Variants in BFAR observed in about 807,000 individuals in gnomAD.
BFAR encodes bifunctional apoptosis regulator, also known as RING finger protein 47.
In BFAR, 52 loss-of-function variants were observed where a neutral mutation model predicts 54.4. The observed-to-expected ratio is 0.96, with a 90% confidence interval of 0.77 to 1.21. BFAR has a LOEUF of 1.21. Ranked by LOEUF, BFAR falls within the 50% of genes most tolerant of loss-of-function variation. The pLI is 0.00. For synonymous variants in BFAR, 215 were observed against 204.3 expected (o/e 1.05, Z -0.45); for missense variants, 571 against 534.0 (o/e 1.07, Z -0.68).
intron 2 of BFAR, among the ~76,000 whole-genome samples, chr16:14,645,987 G>T (rs1376987387): frequency 6.6e-6 from 1 of 152,154 alleles, no homozygotes; most frequent in Non-Finnish European, 1.5e-5. Flanking sequence ...TCCTGCCTCA[G>T]CCTCTGGAGT....
intron 5 of BFAR, among the ~76,000 whole-genome samples, chr16:14,658,072 A>T (rs543951615): frequency 6.6e-6 from 1 of 152,260 alleles, no homozygotes; most frequent in South Asian, 2.1e-4. Flanking sequence ...AATTTAGGAC[A>T]CAGACACACA....
chr16:14,652,872 C>G (rs1204720313), intron 4 of BFAR, among the ~76,000 whole-genome samples: 2 of 152,146 alleles, frequency 1.3e-5, no homozygotes, highest in African/African-American at 4.8e-5. Flanking sequence ...CTCCCTGATT[C>G]ATTTGTTTCA....
chr16:14,635,468 C>T (rs770861234), intron 1 of BFAR, among the ~76,000 whole-genome samples: 5 of 152,156 alleles, frequency 3.3e-5, no homozygotes, highest in Non-Finnish European at 5.9e-5. Flanking sequence ...AGCTGAGTTA[C>T]TGAACATCTA....
chr16:14,666,359 T>TC (rs1201558059), intron 7 of BFAR, among the ~76,000 whole-genome samples: 1 of 152,136 alleles, frequency 6.6e-6, no homozygotes, highest in Non-Finnish European at 1.5e-5. Context: ...TCACCTGAGG[T>TC]CAGGAGTTCG....
At chr16:14,642,131 C>A (rs1184275258) in intron 1 of BFAR, among the ~76,000 whole-genome samples, 1 of 152,164 alleles carries the variant, frequency 6.6e-6, no homozygotes, top group African/African-American at 2.4e-5. Context: ...AAGCGTGAGC[C>A]CTTCCCTGCA....
At position 14,644,153 on chromosome 16, in the gene BFAR, A is replaced by G. The variant is rs963464037; in HGVS notation, c.-73-121A>G. 8 of 620,532 alleles carry G rather than the reference A, an allele frequency of 1.3e-5. No individual in the cohort carries two copies. In the Middle Eastern group the frequency reaches 1.8e-3, roughly 137 times the overall value. 38.4% of individuals were successfully genotyped at this position (620,532 alleles called of 1,614,324 possible). A position where few individuals can be genotyped will look rare whatever the true frequency, so the allele number is the denominator to read the frequency against. On this transcript the variant is annotated intron_variant, in intron 1 of 7. Coordinates refer to ENST00000261658, the MANE Select transcript of BFAR (RefSeq NM_016561.3). ...ACTCCATCCTGGGCCAGAGAGCAAG[A>G]CTGTGTCTCAAAAAAAAAAAAAAAA...
Position 14,645,315 on chromosome 16 carries a change from A to AAAAG in BFAR, c.263+727_263+730dup, listed in dbSNP as rs564948559. On this transcript the variant is annotated intron_variant, in intron 2 of 7. Coordinates refer to ENST00000261658, the MANE Select transcript of BFAR (RefSeq NM_016561.3). ...ACAGAGCAAGACCCTGTCTCAAAAA[A>AAAAG]AAAGAAAGAAAGAAAGAAAGAAAGC... is the stretch of plus-strand genomic sequence containing the variant. 5.0e-3 allele frequency among the ~76,000 whole-genome samples: 760 copies of AAAAG among 152,178 alleles called. 2 individuals are homozygous for AAAAG. Among genetic ancestry groups the AAAAG allele is most frequent in the Non-Finnish European group, 7.6e-3 (517 of 67,996 alleles).
chr16:14,642,638 T>C (rs1296855001), intron 1 of BFAR, among the ~76,000 whole-genome samples: 1 of 152,138 alleles, frequency 6.6e-6, no homozygotes, highest in African/African-American at 2.4e-5. Flanking sequence ...AAGGGTATAT[T>C]GAGCCATGGC....
chr16:14,644,187 C>A, intron 1 of BFAR, 87 bp from the exon 2 acceptor site: 1 of 753,330 alleles, frequency 1.3e-6, no homozygotes. Context: ...AAAATTAGCG[C>A]TTCAATAGAA....
chr16:14,648,603 C>A lies in BFAR; in HGVS notation c.468+11C>A. The A allele has an allele frequency of 6.2e-7, 1 of 1,605,508 alleles. No homozygotes were observed. The highest frequency in any genetic ancestry group is 8.5e-7 in the Non-Finnish European group (1 of 1,172,630). On this transcript the variant is annotated intron_variant, in intron 3 of 7. Coordinates refer to ENST00000261658, the MANE Select transcript of BFAR (RefSeq NM_016561.3). ...TTAACTGGAGTGGCAGTAAGTTGATCACTGTGTTCCTCTGTGCCCCCCCAC... is the reference window on the plus strand; with the variant it reads ...TTAACTGGAGTGGCAGTAAGTTGATAACTGTGTTCCTCTGTGCCCCCCCAC...
intron 7 of BFAR, among the ~76,000 whole-genome samples, chr16:14,666,172 C>A (rs1960435721): frequency 1.3e-5 from 2 of 152,176 alleles, no homozygotes; most frequent in South Asian, 4.1e-4. Context: ...TGCCTTTGTT[C>A]TGATGGACCC....
rs1408535699 is a variant in BFAR at position 14,668,995 on chromosome 16, T to C, written c.*1168T>C. 4 of 447,194 alleles carry C rather than the reference T, an allele frequency of 8.9e-6. No individual in the cohort carries two copies. The highest frequency in any genetic ancestry group is 1.8e-5 in the Non-Finnish European group (4 of 222,736). The allele number at this position is 447,194 out of a possible 1,614,324, so 27.7% of individuals were successfully genotyped here. ...ACACCAAGCGCTATAGTTATAAATATGGCATGAAGTGAACTATGGCCTTTT... is the reference window on the plus strand; with the variant it reads ...ACACCAAGCGCTATAGTTATAAATACGGCATGAAGTGAACTATGGCCTTTT... On this transcript the variant is annotated 3_prime_UTR_variant, in exon 8 of 8. Transcript: ENST00000261658.
chr16:14,666,854 C>A (rs1173118680), intron 7 of BFAR, among the ~76,000 whole-genome samples: 1 of 152,132 alleles, frequency 6.6e-6, no homozygotes, highest in East Asian at 1.9e-4. Context: ...CATGGCAGAT[C>A]TTTTGGTAAA....
Position 14,663,295 on chromosome 16 carries a change from T to G in BFAR, c.957+1230T>G, listed in dbSNP as rs545345268. ...CTGCACCTGGCACCCAGCCCTTCAA[T>G]TTTAACGAGCTCCAACAGCCTCTGC... On this transcript the variant is annotated intron_variant, in intron 6 of 7. Coordinates refer to ENST00000261658, the MANE Select transcript of BFAR (RefSeq NM_016561.3). 1.2e-4 allele frequency among the ~76,000 whole-genome samples: 18 copies of G among 151,982 alleles called. No individual in the cohort carries two copies. The South Asian group carries it at 3.8e-3, about 32-fold the overall frequency.
At position 14,648,676 on chromosome 16, in the gene BFAR, A is replaced by G. The variant is rs1018622222; in HGVS notation, c.468+84A>G. On this transcript the variant is annotated intron_variant, in intron 3 of 7. Transcript: ENST00000261658. ...TTCCACTGAAGTCAGTTCTGTTGAA[A>G]TCACTGAAATAATTGATGATGTGAC... 5.2e-6 allele frequency: 5 copies of G among 965,028 alleles called. No homozygotes were observed. The African/African-American group carries it at 8.6e-5, about 17-fold the overall frequency. 59.8% of individuals were successfully genotyped at this position (965,028 alleles called of 1,614,324 possible). A position where few individuals can be genotyped will look rare whatever the true frequency, so the allele number is the denominator to read the frequency against.
At chr16:14,635,682 C>G (rs979025562) in intron 1 of BFAR, among the ~76,000 whole-genome samples, 1 of 151,552 alleles carries the variant, frequency 6.6e-6, no homozygotes, top group African/African-American at 2.4e-5. Context: ...GGTTTCTGAC[C>G]CTGTCCAGAA....
chr16:14,640,464 TG>T (rs1388885344), intron 1 of BFAR, among the ~76,000 whole-genome samples: 12 of 152,186 alleles, frequency 7.9e-5, no homozygotes, highest in Admixed American at 2.0e-4. Flanking sequence ...TTTTTGTTTT[TG>T]TTTTTTTTCA....
At chr16:14,636,917 C>A (rs12444327) in intron 1 of BFAR, among the ~76,000 whole-genome samples, 3 of 152,152 alleles carry the variant, frequency 2.0e-5, no homozygotes, top group South Asian at 2.1e-4. Flanking sequence ...TTGTACCGCC[C>A]GTAATCCATT....
intron 7 of BFAR, 25 bp downstream of exon 7, chr16:14,665,096 C>T: frequency 1.3e-6 from 2 of 1,571,988 alleles, no homozygotes; most frequent in Non-Finnish European, 1.7e-6. Context: ...ATGGTTGTCA[C>T]AACAGGGGAT....
Sources: gnomAD v4.1 joint callset for allele counts (sites outside exome capture counted in the v4.1 genomes callset) on GRCh38, gnomAD v4.1.1 for gene constraint, MANE v1.5 for transcripts, NCBI Gene and HGNC (gene_info 2026-07-23, HGNC 2026-07-21) for gene names.